TRAPPC9: variants seen among roughly 807,000 people sequenced by gnomAD.
TRAPPC9 encodes IKK2 binding protein.
In TRAPPC9, 83 loss-of-function variants were observed where a neutral mutation model predicts 124.0. The observed-to-expected ratio is 0.67, with a 90% CI of 0.56 to 0.80. The LOEUF (loss-of-function observed/expected upper bound fraction) is 0.80. Among genes scored for constraint, TRAPPC9 ranks in the 30% least tolerant of loss-of-function variants. The pLI is 0.00. For missense variants in TRAPPC9, 1,302 were observed against 1,508.3 expected, an observed-to-expected ratio of 0.86 and a Z score of 2.27; for synonymous variants, 638 against 617.5, an observed-to-expected ratio of 1.03 and a Z score of -0.49.
At chr8:140,337,832 C>A (rs1473685340) in intron 9 of TRAPPC9, among the ~76,000 whole-genome samples, 1 of 151,848 alleles carries the variant, frequency 6.6e-6, no homozygotes, top group African/African-American at 2.4e-5. Flanking sequence ...CAGGGCTGTG[C>A]ACAAACAGCC....
intron 17 of TRAPPC9, among the ~76,000 whole-genome samples, chr8:140,144,592 G>A (rs952021339): frequency 1.1e-4 from 16 of 152,066 alleles, no homozygotes; most frequent in Admixed American, 4.6e-4. Flanking sequence ...AGGTTCAAGC[G>A]ATTCTCCTGC....
At position 140,104,989 on chromosome 8, in the gene TRAPPC9, G is replaced by A. The variant is rs1449037464; in HGVS notation, c.2557-80910C>T. Among the ~76,000 whole-genome samples the A allele has an allele frequency of 6.6e-6, 1 of 152,038 alleles. No homozygotes were observed. Among genetic ancestry groups the A allele is most frequent in the Admixed American group, 6.5e-5 (1 of 15,274 alleles). ...CCCACTCAGCAGCAGCCCTGACTGC[G>A]TGGCTCCTGGGACAGCCCAAACGTA... On this transcript the variant is annotated intron_variant, in intron 17 of 22. Coordinates refer to ENST00000438773, the MANE Select transcript of TRAPPC9 (RefSeq NM_001160372.4). This position sits in a 1 kb window ranked among gnomAD's most constrained non-coding sequence, Gnocchi z 4.0.
chr8:139,823,484 G>A (rs1007402026), intron 21 of TRAPPC9, among the ~76,000 whole-genome samples: 2 of 152,096 alleles, frequency 1.3e-5, no homozygotes, highest in Admixed American at 6.5e-5. Flanking sequence ...GAAATGCCAC[G>A]CCAAGGACTT....
At chr8:140,342,325 A>G (rs1478309033) in intron 9 of TRAPPC9, among the ~76,000 whole-genome samples, 1 of 152,212 alleles carries the variant, frequency 6.6e-6, no homozygotes, top group Non-Finnish European at 1.5e-5. Context: ...TATAACTAGT[A>G]TATCCACTAA....
chr8:140,395,746 C>T (rs893771737), intron 7 of TRAPPC9, among the ~76,000 whole-genome samples: 2 of 152,038 alleles, frequency 1.3e-5, no homozygotes, highest in Non-Finnish European at 2.9e-5. Context: ...ATTTGAAAGT[C>T]TCTCTCCTCT....
chr8:140,451,307 C>T lies in TRAPPC9; in HGVS notation c.67G>A (p.Val23Met), dbSNP rs760542858. 3 of 1,608,564 alleles carry T rather than the reference C, an allele frequency of 1.9e-6. No individual in the cohort carries two copies. The highest frequency in any genetic ancestry group is 2.5e-6 in the Non-Finnish European group (3 of 1,180,014). ...HQTLLVVVQP[V>M]GIVSEENFFR... ...AAGTTCTCCTCGGAGACGATGCCCA[C>T]AGGCTGGACCACCACGAGCAGCGTC... Residue 23 changes from valine (V) to methionine (M), a missense_variant, in exon 2 of 23, where the codon GTG (valine) becomes ATG (methionine). Transcript: ENST00000438773.
intron 19 of TRAPPC9, among the ~76,000 whole-genome samples, chr8:139,958,447 C>T (rs1329435923): frequency 6.6e-6 from 1 of 152,186 alleles, no homozygotes; most frequent in East Asian, 1.9e-4. Context: ...GGTGGCTGCC[C>T]CCACCCCCGG....
At chr8:140,226,428 C>G (rs1055989751) in intron 16 of TRAPPC9, among the ~76,000 whole-genome samples, 1 of 151,708 alleles carries the variant, frequency 6.6e-6, no homozygotes, top group African/African-American at 2.4e-5. Context: ...CCCATCTCTA[C>G]TAAAAATACA....
chr8:140,334,575 G>A (rs376023557), intron 9 of TRAPPC9, among the ~76,000 whole-genome samples: 34 of 151,904 alleles, frequency 2.2e-4, no homozygotes, highest in African/African-American at 5.8e-4. Context: ...GCTTGAACCC[G>A]GGAGGTGGAG....
chr8:139,740,630 C>G (rs998993143), intron 21 of TRAPPC9, among the ~76,000 whole-genome samples: 1 of 152,220 alleles, frequency 6.6e-6, no homozygotes, highest in South Asian at 2.1e-4. Flanking sequence ...GCGGGCCCTG[C>G]GGAAGCAGGT....
intron 17 of TRAPPC9, among the ~76,000 whole-genome samples, chr8:140,205,380 T>C (rs1012012299): frequency 2.6e-5 from 4 of 152,198 alleles, no homozygotes; most frequent in Non-Finnish European, 4.4e-5. Context: ...AACTACAATA[T>C]GTAGAAAGAT....
At chr8:140,448,308 G>A (rs62527783) in intron 2 of TRAPPC9, among the ~76,000 whole-genome samples, 13,050 of 152,266 alleles carry the variant, frequency 0.086, 614 homozygotes, top group African/African-American at 0.11. Flanking sequence ...TCCCACTACA[G>A]TGAGCAAGCA....
chr8:139,853,296 A>G (rs573795218), intron 21 of TRAPPC9, among the ~76,000 whole-genome samples: 1 of 152,296 alleles, frequency 6.6e-6, no homozygotes, highest in East Asian at 1.9e-4. Flanking sequence ...GTGGGTCCTC[A>G]TGAGAAAAGG....
At chr8:139,850,336 C>T (rs908906514) in intron 21 of TRAPPC9, among the ~76,000 whole-genome samples, 1 of 152,218 alleles carries the variant, frequency 6.6e-6, no homozygotes, top group African/African-American at 2.4e-5. Context: ...GCAGAGCCAA[C>T]ACTAGAACCC....
chr8:140,033,658 G>GTTTTTTGTTTTTTTT (rs1563706552), intron 17 of TRAPPC9, among the ~76,000 whole-genome samples: 6 of 42,392 alleles, frequency 1.4e-4, no homozygotes, highest in East Asian at 9.1e-4. Flanking sequence ...TCATAATGTG[G>GTTTTTTGTTTTTTTT]TTTTTTTTTT....
intron 21 of TRAPPC9, among the ~76,000 whole-genome samples, chr8:139,797,853 C>T (rs1823212037): frequency 6.6e-6 from 1 of 152,232 alleles, no homozygotes. Flanking sequence ...GTCTGTTGAT[C>T]TGTACGTCCA....
chr8:140,052,103 G>C (rs1006474921), intron 17 of TRAPPC9, among the ~76,000 whole-genome samples: 1 of 152,102 alleles, frequency 6.6e-6, no homozygotes, highest in Non-Finnish European at 1.5e-5. Flanking sequence ...CACAAGGCAT[G>C]GCAAAGAGGG....
At chr8:139,764,236 G>A (rs1820428071) in intron 21 of TRAPPC9, among the ~76,000 whole-genome samples, 2 of 152,176 alleles carry the variant, frequency 1.3e-5, no homozygotes, top group Non-Finnish European at 2.9e-5. Flanking sequence ...AAGGAGAGGA[G>A]GAATGAGCAG....
intron 7 of TRAPPC9, among the ~76,000 whole-genome samples, 177 bp from the exon 8 acceptor site, chr8:140,371,357 C>A (rs1432160076): frequency 1.3e-5 from 2 of 152,262 alleles, no homozygotes; most frequent in African/African-American, 2.4e-5. Context: ...TTCAGACCTT[C>A]CCCAGCCACA....
Sources: gnomAD v4.1 joint callset for allele counts (sites outside exome capture counted in the v4.1 genomes callset) on GRCh38, gnomAD v4.1.1 for gene constraint, Gnocchi (gnomAD v3.1) non-coding constraint, MANE v1.5 for transcripts, NCBI Gene and HGNC (gene_info 2026-07-23, HGNC 2026-07-21) for gene names.